The following DPH6 variants were observed in gnomAD, a reference collection of about 807,000 sequenced individuals.
DPH6 encodes the protein diphthamine biosynthesis 6.
In DPH6, 33 loss-of-function variants were observed where a neutral mutation model predicts 38.2. That is an observed-to-expected ratio of 0.86 (90% CI 0.65 to 1.15). The LOEUF (loss-of-function observed/expected upper bound fraction) is 1.15, where lower values mean the gene tolerates loss of function less well. DPH6 is among the 50% of genes most tolerant of loss of function. The pLI, the probability that DPH6 is intolerant of heterozygous loss-of-function variation, is 0.00. For missense variants in DPH6, 325 were observed against 320.0 expected (o/e 1.02, Z -0.12); for synonymous variants, 108 against 103.0 (o/e 1.05, Z -0.30).
chr15:35,437,506 C>T (rs1652139560), intron 5 of DPH6, among the ~76,000 whole-genome samples: 1 of 152,148 alleles, frequency 6.6e-6, no homozygotes, highest in African/African-American at 2.4e-5. Flanking sequence ...TTTTTTCTTA[C>T]CAGTTGGGCT....
chr15:35,401,561 GC>G, intron 6 of DPH6: 1 of 771,090 alleles, frequency 1.3e-6, no homozygotes, highest in East Asian at 2.4e-5. Flanking sequence ...GGTAGTGGAA[GC>G]AATTTTGGAG....
chr15:35,358,252 A>T (rs1174391995), intron 3 of DPH6, among the ~76,000 whole-genome samples: 1 of 151,722 alleles, frequency 6.6e-6, no homozygotes, highest in Non-Finnish European at 1.5e-5. Context: ...TCTTTAAGTT[A>T]TCTATTTCCT....
chr15:35,327,660 C>T (rs571775221), downstream of DPH6, among the ~76,000 whole-genome samples: 91 of 152,240 alleles, frequency 6.0e-4, no homozygotes, highest in Non-Finnish European at 1.1e-3. Flanking sequence ...AGCAAGTGAG[C>T]GAAGTGAAAG....
At chr15:35,178,789 G>A in the DPH6 span, among the ~76,000 whole-genome samples, 21 of 151,996 alleles carry the variant, frequency 1.4e-4, no homozygotes, top group African/African-American at 4.8e-4. Context: ...AGGTATCAGG[G>A]GCCTACCATT....
chr15:35,524,487 A>C (rs9635384), intron 3 of DPH6, among the ~76,000 whole-genome samples: 95,177 of 152,006 alleles, frequency 0.63, 33,554 homozygotes, highest in South Asian at 0.82. Flanking sequence ...TTATTGGTTT[A>C]TGTATGCACT....
intron 3 of DPH6, among the ~76,000 whole-genome samples, chr15:35,284,382 T>C (rs988067848): frequency 1.3e-5 from 2 of 152,148 alleles, no homozygotes; most frequent in South Asian, 2.1e-4. Flanking sequence ...AAATGTGTTA[T>C]TTGGCTAAAT....
At chr15:35,376,009 C>T (rs1291870491) in intron 7 of DPH6, among the ~76,000 whole-genome samples, 2 of 152,102 alleles carry the variant, frequency 1.3e-5, no homozygotes, top group African/African-American at 4.8e-5. Flanking sequence ...TCCTCACAGA[C>T]ATCTCAAATG....
the DPH6 span, among the ~76,000 whole-genome samples, chr15:35,173,856 G>C: frequency 2.6e-5 from 4 of 152,118 alleles, no homozygotes; most frequent in East Asian, 5.8e-4. Context: ...TCTTTTACTG[G>C]GGAAGTCTTT....
the DPH6 span, among the ~76,000 whole-genome samples, chr15:35,177,212 T>G: frequency 6.6e-6 from 1 of 152,070 alleles, no homozygotes; most frequent in Admixed American, 6.6e-5. Context: ...AGGTGTTAAG[T>G]ACATTTCTAC....
Position 35,447,878 on chromosome 15 carries a change from C to T in DPH6, c.505+2807G>A, listed in dbSNP as rs371477423. On this transcript the variant is annotated intron_variant, in intron 5 of 8. Transcript: ENST00000256538. Reference sequence around the variant, plus strand: ...CTCCCCCATCATCTCATTCCTATATCGCAATCCTAGAAAGCTTATAAGTAG... The same window carrying T: ...CTCCCCCATCATCTCATTCCTATATTGCAATCCTAGAAAGCTTATAAGTAG... Among the ~76,000 whole-genome samples, 47 of 152,256 alleles carry T rather than the reference C, an allele frequency of 3.1e-4. 1 individual carries two copies. The highest frequency in any genetic ancestry group is 7.2e-4 in the African/African-American group (30 of 41,550).
At chr15:35,390,352 G>A (rs1381049811) in intron 6 of DPH6, among the ~76,000 whole-genome samples, 6 of 152,042 alleles carry the variant, frequency 3.9e-5, no homozygotes, top group African/African-American at 1.4e-4. Context: ...GTATCTTTGT[G>A]GTGTTCTCTG....
At chr15:35,145,987 A>T in the DPH6 span, among the ~76,000 whole-genome samples, 19 of 152,080 alleles carry the variant, frequency 1.2e-4, no homozygotes, top group Non-Finnish European at 2.2e-4. Context: ...TGCATACCCA[A>T]ATAAACAAAA....
chr15:35,428,999 T>C (rs2053601366), intron 5 of DPH6, among the ~76,000 whole-genome samples: 1 of 152,188 alleles, frequency 6.6e-6, no homozygotes. Flanking sequence ...ATGTTGCTAA[T>C]ACATTATCAT....
At chr15:35,404,897 T>A (rs762923191) in intron 6 of DPH6, among the ~76,000 whole-genome samples, 4 of 152,158 alleles carry the variant, frequency 2.6e-5, no homozygotes, top group Non-Finnish European at 5.9e-5. Flanking sequence ...GATTTGACTG[T>A]TGTATAAGGT....
intron 3 of DPH6, among the ~76,000 whole-genome samples, chr15:35,274,560 C>A (rs1308942576): frequency 6.6e-6 from 1 of 150,794 alleles, no homozygotes; most frequent in African/African-American, 2.5e-5. Context: ...AAAAAAAAAA[C>A]CCAATCAAAA....
At chr15:35,305,696 T>TA (rs1306134130) in intron 3 of DPH6, among the ~76,000 whole-genome samples, 1 of 152,182 alleles carries the variant, frequency 6.6e-6, no homozygotes, top group African/African-American at 2.4e-5. Context: ...TACATATCTC[T>TA]AATAAAGATC....
chr15:35,513,318 A>C (rs937594352), intron 3 of DPH6, among the ~76,000 whole-genome samples: 1 of 152,004 alleles, frequency 6.6e-6, no homozygotes, highest in African/African-American at 2.4e-5. Flanking sequence ...ATAAAAAACA[A>C]GGCAGGAAGA....
At chr15:35,472,096 A>T (rs1462558581) in intron 3 of DPH6, among the ~76,000 whole-genome samples, 1 of 152,230 alleles carries the variant, frequency 6.6e-6, no homozygotes, top group Non-Finnish European at 1.5e-5. Context: ...TCTCTAAAAA[A>T]TAGATAAACA....
intron 5 of DPH6, among the ~76,000 whole-genome samples, chr15:35,428,505 G>C (rs1423623187): frequency 6.6e-6 from 1 of 151,932 alleles, no homozygotes; most frequent in Non-Finnish European, 1.5e-5. Flanking sequence ...TATTATACAG[G>C]AAAAAAACAA....
Sources: allele counts gnomAD v4.1 joint callset (sites outside exome capture counted in the v4.1 genomes callset), GRCh38; gene constraint gnomAD v4.1.1; transcripts MANE v1.5; gene names NCBI Gene and HGNC (gene_info 2026-07-23, HGNC 2026-07-21).